RAPGEF4: variants seen among roughly 807,000 people sequenced by gnomAD.
The protein encoded by RAPGEF4 is Rap guanine nucleotide exchange factor 4, also known as RAP guanine-nucleotide-exchange factor (GEF) 4.
In RAPGEF4, 66 loss-of-function variants were observed where a neutral mutation model predicts 147.9. The ratio of observed to expected loss-of-function variants is 0.45; its 90% CI spans 0.37 to 0.55. The LOEUF (loss-of-function observed/expected upper bound fraction) is 0.55. Ranked by LOEUF, RAPGEF4 falls within the 20% of genes least tolerant of loss-of-function variation. RAPGEF4 has a pLI of 0.00. For synonymous variants in RAPGEF4, 419 were observed against 442.7 expected (o/e 0.95, Z 0.67); for missense variants, 1,071 against 1,257.3 (o/e 0.85, Z 2.24).
intron 4 of RAPGEF4, among the ~76,000 whole-genome samples, chr2:172,822,784 C>T (rs1444929727): frequency 1.3e-5 from 2 of 152,232 alleles, no homozygotes; most frequent in Admixed American, 6.5e-5. Flanking sequence ...CTCACCCCCA[C>T]TCTCTCCCCT....
chr2:172,992,259 T>C (rs1692910728), intron 15 of RAPGEF4, among the ~76,000 whole-genome samples: 2 of 152,258 alleles, frequency 1.3e-5, no homozygotes, highest in Non-Finnish European at 2.9e-5. Flanking sequence ...TTATTATTTA[T>C]TGTTTTCTAC....
chr2:173,027,000 C>T, intron 24 of RAPGEF4, 81 bp from the exon 25 acceptor site: 3 of 1,292,228 alleles, frequency 2.3e-6, no homozygotes, highest in East Asian at 4.8e-5. Flanking sequence ...ACCAGTAAAA[C>T]ACTGTCTTGA....
intron 4 of RAPGEF4, among the ~76,000 whole-genome samples, chr2:172,912,518 A>G (rs1017969023): frequency 1.3e-5 from 2 of 152,206 alleles, no homozygotes; most frequent in African/African-American, 4.8e-5. Context: ...TTTTCCTGCC[A>G]ATGCCCTATA....
intron 6 of RAPGEF4, among the ~76,000 whole-genome samples, chr2:172,932,146 G>A (rs1686063606): frequency 6.6e-6 from 1 of 152,064 alleles, no homozygotes; most frequent in Non-Finnish European, 1.5e-5. Flanking sequence ...TTAGTTACAT[G>A]GCACAAGATA....
intron 10 of RAPGEF4, among the ~76,000 whole-genome samples, chr2:172,978,490 G>C (rs1012681969): frequency 6.6e-6 from 1 of 152,172 alleles, no homozygotes; most frequent in African/African-American, 2.4e-5. Context: ...TCCTCCTGGG[G>C]CGTCTGTCTT....
At chr2:172,755,929 A>G (rs902089233) in intron 1 of RAPGEF4, among the ~76,000 whole-genome samples, 2 of 152,102 alleles carry the variant, frequency 1.3e-5, no homozygotes, top group Admixed American at 1.3e-4. Flanking sequence ...TAATTTCATC[A>G]CTTGTAGACT....
intron 4 of RAPGEF4, among the ~76,000 whole-genome samples, chr2:172,895,778 T>C (rs1639998721): frequency 1.3e-5 from 2 of 152,088 alleles, no homozygotes; most frequent in African/African-American, 4.8e-5. Context: ...AAGAACACTT[T>C]CTCAAAACAA....
intron 5 of RAPGEF4, among the ~76,000 whole-genome samples, chr2:172,919,369 C>T (rs1326942451): frequency 3.3e-5 from 5 of 152,094 alleles, no homozygotes; most frequent in African/African-American, 2.4e-5. Flanking sequence ...CTTGAATAAA[C>T]CACTCTAAAG....
At chr2:172,890,650 G>A (rs1187368207) in intron 4 of RAPGEF4, among the ~76,000 whole-genome samples, 1 of 152,146 alleles carries the variant, frequency 6.6e-6, no homozygotes, top group East Asian at 1.9e-4. Context: ...TTCAAACCTA[G>A]ACAGACAGCT....
chr2:172,958,181 CA>C (rs944723284), intron 6 of RAPGEF4, among the ~76,000 whole-genome samples: 4 of 152,168 alleles, frequency 2.6e-5, no homozygotes, highest in African/African-American at 9.7e-5. Flanking sequence ...AGCTCAGAAA[CA>C]AATCCCATAC....
intron 6 of RAPGEF4, among the ~76,000 whole-genome samples, chr2:172,954,387 C>A (rs1688523262): frequency 1.3e-5 from 2 of 152,106 alleles, no homozygotes; most frequent in South Asian, 4.1e-4. Flanking sequence ...TCACTTTTTT[C>A]TTGGCCATAA....
In RAPGEF4 at chr2:172,738,996, G is replaced by A. The variant is rs117109144; in HGVS notation, c.65+2948G>A. Among the ~76,000 whole-genome samples the A allele has an allele frequency of 1.5e-3, 222 of 152,314 alleles. 3 individuals carry two copies. The highest frequency in any genetic ancestry group is 0.011 in the Admixed American group (164 of 15,300). ...TAGACAGGACAATATTTGCAAGTGG[G>A]GAAGGGTGTTGCAAGTGTTGTAGAT... is the stretch of plus-strand genomic sequence containing the variant. On this transcript the variant is annotated intron_variant, in intron 1 of 30. Coordinates refer to ENST00000397081, the MANE Select transcript of RAPGEF4 (RefSeq NM_007023.4).
At chr2:172,842,122 G>A (rs549048727) in intron 4 of RAPGEF4, among the ~76,000 whole-genome samples, 3 of 152,216 alleles carry the variant, frequency 2.0e-5, no homozygotes, top group African/African-American at 7.2e-5. Context: ...GTGGGGAAAG[G>A]GTTCTTAAGA....
chr2:172,795,381 C>T (rs1247408523), intron 2 of RAPGEF4, among the ~76,000 whole-genome samples: 1 of 152,150 alleles, frequency 6.6e-6, no homozygotes, highest in African/African-American at 2.4e-5. Flanking sequence ...ATGGTTCTTC[C>T]AAGGCAACCA....
intron 29 of RAPGEF4, among the ~76,000 whole-genome samples, chr2:173,038,572 C>A (rs547641147): frequency 6.6e-6 from 1 of 152,136 alleles, no homozygotes; most frequent in Non-Finnish European, 1.5e-5. Flanking sequence ...GAACATCACA[C>A]ACCAGGGCCT....
intron 3 of RAPGEF4, 28 bp downstream of exon 3, chr2:172,797,641 G>A (rs1686511065): frequency 6.5e-6 from 10 of 1,547,292 alleles, no homozygotes; most frequent in Middle Eastern, 1.7e-4. Context: ...TTTGAAAGTA[G>A]GATTTATTTT....
intron 4 of RAPGEF4, among the ~76,000 whole-genome samples, chr2:172,893,513 T>C (rs951775635): frequency 6.6e-6 from 1 of 152,136 alleles, no homozygotes; most frequent in African/African-American, 2.4e-5. Context: ...ATCATGGGAG[T>C]TGAGCACAAG....
intron 5 of RAPGEF4, among the ~76,000 whole-genome samples, chr2:172,921,860 A>G (rs1684797788): frequency 6.6e-6 from 1 of 152,222 alleles, no homozygotes; most frequent in Non-Finnish European, 1.5e-5. Context: ...CCCAGCTTCA[A>G]ATCACTAGAG....
intron 10 of RAPGEF4, among the ~76,000 whole-genome samples, chr2:172,975,854 T>C (rs1691008347): frequency 6.6e-6 from 1 of 152,258 alleles, no homozygotes; most frequent in Non-Finnish European, 1.5e-5. Flanking sequence ...AAGGAAAATA[T>C]TTGTACTTGT....
Sources: gnomAD v4.1 joint callset for allele counts (sites outside exome capture counted in the v4.1 genomes callset) on GRCh38, gnomAD v4.1.1 for gene constraint, MANE v1.5 for transcripts, NCBI Gene and HGNC (gene_info 2026-07-23, HGNC 2026-07-21) for gene names.